The following UTRN variants were observed in gnomAD, a reference collection of about 807,000 sequenced individuals.
UTRN encodes the protein utrophin.
In UTRN, 283 loss-of-function variants were observed where a neutral mutation model predicts 463.9. The ratio of observed to expected loss-of-function variants is 0.61; its 90% confidence interval spans 0.55 to 0.67. UTRN has a LOEUF of 0.67. Ranked by LOEUF, UTRN falls within the 30% of genes least tolerant of loss-of-function variation. The pLI, the probability that UTRN is intolerant of heterozygous loss-of-function variation, is 0.00. For synonymous variants in UTRN, 1,442 were observed against 1,431.5 expected (o/e 1.01, Z -0.17); for missense variants, 3,922 against 4,084.3 (o/e 0.96, Z 1.08).
intron 52 of UTRN, among the ~76,000 whole-genome samples, chr6:144,679,901 G>A (rs573408622): frequency 6.6e-6 from 1 of 152,216 alleles, no homozygotes; most frequent in South Asian, 2.1e-4. Context: ...TCTGTGTAAA[G>A]TTCCCATTGG....
At chr6:144,748,692 A>G (rs1791028414) in intron 55 of UTRN, among the ~76,000 whole-genome samples, 178 bp downstream of exon 55, 1 of 152,222 alleles carries the variant, frequency 6.6e-6, no homozygotes, top group African/African-American at 2.4e-5. Context: ...ATTGGGGTTC[A>G]TTGGAACCCC....
chr6:144,690,223 A>G (rs1783252836), intron 52 of UTRN, among the ~76,000 whole-genome samples: 2 of 150,506 alleles, frequency 1.3e-5, no homozygotes, highest in African/African-American at 4.9e-5. Context: ...CGCAAGCAGC[A>G]GCCCTAGTGG....
chr6:144,789,657 G>A (rs1776592435), intron 62 of UTRN, among the ~76,000 whole-genome samples: 1 of 152,070 alleles, frequency 6.6e-6, no homozygotes, highest in Non-Finnish European at 1.5e-5. Context: ...ATAAGGGATG[G>A]GGCTAGAATT....
chr6:144,836,294 G>C lies in UTRN; in HGVS notation c.9825-7G>C. On this transcript the variant is annotated splice_region_variant and splice_polypyrimidine_tract_variant and intron_variant, in intron 70 of 74. Transcript: ENST00000367545. ...AGTCATTCTGTTTCTCCCTCTTTCTGTATTAGAAATCTACAGGTGGAGTAT... is the reference window on the plus strand; with the variant it reads ...AGTCATTCTGTTTCTCCCTCTTTCTCTATTAGAAATCTACAGGTGGAGTAT... 1.2e-6 allele frequency: 2 copies of C among 1,614,048 alleles called. No individual in the cohort carries two copies. Among genetic ancestry groups the C allele is most frequent in the South Asian group, 2.2e-5 (2 of 91,078 alleles).
intron 51 of UTRN, among the ~76,000 whole-genome samples, chr6:144,619,093 C>A (rs1775078990): frequency 6.6e-6 from 1 of 152,058 alleles, no homozygotes; most frequent in African/African-American, 2.4e-5. Context: ...TCTTTGTGAT[C>A]ATAGTAAGTT....
intron 53 of UTRN, among the ~76,000 whole-genome samples, chr6:144,723,734 G>A (rs1462325735): frequency 6.6e-6 from 1 of 152,088 alleles, no homozygotes; most frequent in East Asian, 1.9e-4. Context: ...GGGTGCAGTG[G>A]CTTACATCTG....
At chr6:144,778,484 A>C (rs1775531911) in intron 60 of UTRN, among the ~76,000 whole-genome samples, 1 of 152,068 alleles carries the variant, frequency 6.6e-6, no homozygotes. Context: ...GAGCCATCCA[A>C]AGAGAAGCAA....
chr6:144,577,229 C>T lies in UTRN; in HGVS notation c.7420C>T (p.His2474Tyr). Residue 2474 changes from histidine to tyrosine, a missense_variant, in exon 51 of 75, where the codon CAT becomes TAT. By Grantham distance (83) the His-to-Tyr change is moderately conservative. Transcript: ENST00000367545. The stretch of plus-strand genomic sequence containing the variant: ...AGTGAATGTGCTTGTGGATGCCTCT[C>T]ATCGGGAGAATGCTCTTCAGGATAG... ...TTVNVLVDAS[H>Y]RENALQDSIL... 1 of 1,613,948 alleles carries T rather than the reference C, an allele frequency of 6.2e-7. No homozygotes were observed. The highest frequency in any genetic ancestry group is 8.5e-7 in the Non-Finnish European group (1 of 1,179,916).
chr6:144,406,359 T>TC (rs199615013), intron 3 of UTRN, among the ~76,000 whole-genome samples: 34 of 20,132 alleles, frequency 1.7e-3, no homozygotes, highest in African/African-American at 3.3e-3. Flanking sequence ...TTCTTTTCTT[T>TC]TTTTTTTTTT....
intron 54 of UTRN, among the ~76,000 whole-genome samples, chr6:144,733,773 C>T (rs2128716196): frequency 6.6e-6 from 1 of 152,266 alleles, no homozygotes; most frequent in South Asian, 2.1e-4. Context: ...CAAGGCTATT[C>T]ACTTAACAGA....
chr6:144,723,549 G>T (rs989695492), intron 53 of UTRN, among the ~76,000 whole-genome samples: 1 of 152,084 alleles, frequency 6.6e-6, no homozygotes, highest in Non-Finnish European at 1.5e-5. Context: ...ACAGATGCAT[G>T]GTCAAAATAT....
rs4896740 is a variant in UTRN, at chr6:144,754,588, C to T, written c.8356-132C>T. The stretch of plus-strand genomic sequence containing the variant: ...TGATACCAGAGACAGAGAAGGGGTC[C>T]AAGGGGTCTATATAAACAATCATAT... On this transcript the variant is annotated intron_variant, in intron 56 of 74. Transcript: ENST00000367545. 189,770 of 506,720 alleles carry T rather than the reference C, an allele frequency of 0.37. 46,678 individuals are homozygous for T. The highest frequency in any genetic ancestry group is 0.88 in the East Asian group (24,104 of 27,472). 31.4% of individuals were successfully genotyped at this position (506,720 alleles called of 1,614,324 possible).
At position 144,437,467 on chromosome 6, in the gene UTRN, A is replaced by G. The variant is rs541383319; in HGVS notation, c.1060-98A>G. 4.0e-5 allele frequency: 49 copies of G among 1,231,724 alleles called. 1 individual carries two copies. The Middle Eastern group carries it at 1.6e-3, about 40-fold the overall frequency. The allele number at this position is 1,231,724 out of a possible 1,614,324, so 76.3% of individuals were successfully genotyped here. On this transcript the variant is annotated intron_variant, in intron 10 of 74. Coordinates refer to ENST00000367545, the MANE Select transcript of UTRN (RefSeq NM_007124.3). ...GCTCTACTAGGCTACCTTTTTCTGCATCACTGACATTTAGGTTAGGCATTA... is the reference window on the plus strand; with the variant it reads ...GCTCTACTAGGCTACCTTTTTCTGCGTCACTGACATTTAGGTTAGGCATTA...
rs931853076 is a variant in UTRN at position 144,470,904 on chromosome 6, C to G, written c.3067-2816C>G. Among the ~76,000 whole-genome samples, 3 of 151,592 alleles carry G rather than the reference C, an allele frequency of 2.0e-5. No individual in the cohort carries two copies. The East Asian group carries it at 5.8e-4, about 29-fold the overall frequency. ...AGTCAGGCGTGGCGGCGCGCACCTG[C>G]GATCCCAGGCACTCGGCAGGCTGAG... On this transcript the variant is annotated intron_variant, in intron 23 of 74. Transcript: ENST00000367545.
intron 53 of UTRN, among the ~76,000 whole-genome samples, chr6:144,709,461 A>C (rs1400252079): frequency 6.6e-6 from 1 of 152,160 alleles, no homozygotes; most frequent in Non-Finnish European, 1.5e-5. Flanking sequence ...CTTACAGCTC[A>C]AAAGTACATA....
intron 2 of UTRN, among the ~76,000 whole-genome samples, chr6:144,324,663 T>C (rs139333653): frequency 2.4e-4 from 36 of 152,332 alleles, no homozygotes; most frequent in East Asian, 1.3e-3. Flanking sequence ...TGTGTATAAA[T>C]TAAAGAGAGC....
At chr6:144,346,784 C>G (rs1396614232) in intron 2 of UTRN, among the ~76,000 whole-genome samples, 1 of 152,098 alleles carries the variant, frequency 6.6e-6, no homozygotes. Context: ...GATTGCGCCA[C>G]TGCACTTCAG....
chr6:144,410,569 A>G (rs1328069772), intron 3 of UTRN, among the ~76,000 whole-genome samples: 1 of 149,234 alleles, frequency 6.7e-6, no homozygotes, highest in Non-Finnish European at 1.5e-5. Flanking sequence ...CCTCACCCCC[A>G]CTCCCACCTG....
chr6:144,814,128 A>C (rs561704676), intron 65 of UTRN, among the ~76,000 whole-genome samples: 1 of 152,300 alleles, frequency 6.6e-6, no homozygotes, highest in Non-Finnish European at 1.5e-5. Context: ...TCTAATCCCT[A>C]GTGTGATAGT....
Sources: gnomAD v4.1 joint callset for allele counts (sites outside exome capture counted in the v4.1 genomes callset) on GRCh38, gnomAD v4.1.1 for gene constraint, MANE v1.5 for transcripts, NCBI Gene and HGNC (gene_info 2026-07-23, HGNC 2026-07-21) for gene names.